Variants in ZNF385C observed in about 807,000 individuals in gnomAD.
ZNF385C encodes the protein CTD-2132N18.2.
Under a neutral mutation model 35.4 loss-of-function variants are expected in ZNF385C, and 28 were observed. The observed-to-expected ratio is 0.79, with a 90% CI of 0.59 to 1.08. ZNF385C has a LOEUF of 1.08. ZNF385C is among the 50% of genes least tolerant of loss of function. The pLI, the probability that ZNF385C is intolerant of heterozygous loss-of-function variation, is 0.00. For synonymous variants in ZNF385C, 248 were observed against 248.2 expected, an observed-to-expected ratio of 1.00 and a Z score of 0.01; for missense variants, 605 against 595.6, an observed-to-expected ratio of 1.02 and a Z score of -0.16.
chr17:42,094,184 T>C (rs1054143829), intron 1 of ZNF385C, among the ~76,000 whole-genome samples: 8 of 152,088 alleles, frequency 5.3e-5, no homozygotes, highest in African/African-American at 1.9e-4. Flanking sequence ...GGGTTCACCA[T>C]GTTGGCCAGG....
rs1332357766 is a variant in ZNF385C at position 42,040,404 on chromosome 17, G to A, written c.251-2519C>T. ...CCTGGAGGCGGGCCCCACCTGAGCCGCGCTGAGCTTGGAGGGAGGCCGCAG... is the reference window on the plus strand; with the variant it reads ...CCTGGAGGCGGGCCCCACCTGAGCCACGCTGAGCTTGGAGGGAGGCCGCAG... On this transcript the variant is annotated intron_variant, in intron 2 of 8. Transcript: ENST00000692273. 14 of 1,231,948 alleles carry A rather than the reference G, an allele frequency of 1.1e-5. No homozygotes were observed. The Admixed American group carries it at 3.4e-4, about 30-fold the overall frequency. The allele number at this position is 1,231,948 out of a possible 1,614,324, so 76.3% of individuals were successfully genotyped here.
In ZNF385C at chr17:42,050,724, C is replaced by G. The variant is rs1171636469; in HGVS notation, c.250+12083G>C. 1 of 150,540 alleles carries G rather than the reference C, an allele frequency of 6.6e-6. No homozygotes were observed. Among genetic ancestry groups the G allele is most frequent in the African/African-American group, 2.4e-5 (1 of 41,172 alleles). 9.3% of individuals were successfully genotyped at this position (150,540 alleles called of 1,614,324 possible). On this transcript the variant is annotated intron_variant, in intron 2 of 8. Coordinates refer to ENST00000692273, the MANE Select transcript of ZNF385C (RefSeq NM_001392013.1). This position sits in a 1 kb window ranked among gnomAD's most constrained non-coding sequence, Gnocchi z 5.6. ...GGCGGCGCCCCCGGGGCTCACCTGGCCGCGCCCACCTGCGGCGCCTCCCGC... is the reference window on the plus strand; with the variant it reads ...GGCGGCGCCCCCGGGGCTCACCTGGGCGCGCCCACCTGCGGCGCCTCCCGC...
intron 1 of ZNF385C, among the ~76,000 whole-genome samples, chr17:42,088,633 G>T (rs1237125261): frequency 2.6e-5 from 4 of 152,230 alleles, no homozygotes; most frequent in African/African-American, 9.6e-5. Flanking sequence ...AAACCTCCAA[G>T]GGAAACGCCC....
At chr17:42,086,687 G>C (rs2053811489) in intron 1 of ZNF385C, among the ~76,000 whole-genome samples, 1 of 122,630 alleles carries the variant, frequency 8.2e-6, no homozygotes, top group Non-Finnish European at 1.6e-5. Context: ...GGGCAACAGA[G>C]TGAGATTCCA....
intron 2 of ZNF385C, among the ~76,000 whole-genome samples, chr17:42,042,382 C>T (rs546603321): frequency 1.3e-5 from 2 of 152,218 alleles, no homozygotes; most frequent in South Asian, 2.1e-4. Context: ...ATTAGCTGAG[C>T]GTGGTGGCAC....
At chr17:42,085,443 CT>C (rs879990133) in intron 1 of ZNF385C, among the ~76,000 whole-genome samples, 352 of 137,548 alleles carry the variant, frequency 2.6e-3, no homozygotes, top group Middle Eastern at 3.8e-3. Context: ...TAATTTTTTT[CT>C]TTTTTTTTTT....
At chr17:42,057,223 C>G (rs2053389724) in intron 2 of ZNF385C, among the ~76,000 whole-genome samples, 1 of 152,120 alleles carries the variant, frequency 6.6e-6, no homozygotes, top group Non-Finnish European at 1.5e-5. Flanking sequence ...TCCCTGAGCC[C>G]CACTCTCCCA....
intron 1 of ZNF385C, among the ~76,000 whole-genome samples, chr17:42,074,131 C>T (rs2053660658): frequency 1.3e-5 from 2 of 152,192 alleles, no homozygotes; most frequent in Non-Finnish European, 2.9e-5. Flanking sequence ...CTCAGTTTAC[C>T]ACCCTCTTAG....
At chr17:42,084,815 CTA>C (rs2143937899) in intron 1 of ZNF385C, among the ~76,000 whole-genome samples, 1 of 152,072 alleles carries the variant, frequency 6.6e-6, no homozygotes, top group East Asian at 1.9e-4. Context: ...TGGGGTCTTG[CTA>C]TGTTTCCTAG....
intron 2 of ZNF385C, among the ~76,000 whole-genome samples, chr17:42,055,238 G>C (rs185760587): frequency 6.2e-4 from 95 of 152,294 alleles, no homozygotes; most frequent in Non-Finnish European, 8.2e-4. Flanking sequence ...AGGGGCTCTG[G>C]GGGGAGGAGT....
At chr17:42,090,812 G>A (rs1317057382) in intron 1 of ZNF385C, among the ~76,000 whole-genome samples, 33 of 151,900 alleles carry the variant, frequency 2.2e-4, no homozygotes, top group Non-Finnish European at 1.0e-4. Flanking sequence ...AACCCGGAAG[G>A]CGGAGCTTGC....
At chr17:42,069,292 G>C (rs1048925811) in intron 1 of ZNF385C, among the ~76,000 whole-genome samples, 3 of 151,966 alleles carry the variant, frequency 2.0e-5, no homozygotes, top group Non-Finnish European at 4.4e-5. Context: ...GGAGCACGCA[G>C]GCAGGGCTCT....
chr17:42,074,426 C>A (rs1222803081), intron 1 of ZNF385C, among the ~76,000 whole-genome samples: 1 of 150,112 alleles, frequency 6.7e-6, no homozygotes, highest in African/African-American at 2.5e-5. Flanking sequence ...GAGTCTCACT[C>A]TGTCGCCCAG....
rs1489386448 is a variant in ZNF385C, at chr17:42,026,664, CAG to C, written c.*231_*232del. 2 of 585,578 alleles carry C rather than the reference CAG, an allele frequency of 3.4e-6. No homozygotes were observed. The highest frequency in any genetic ancestry group is 2.0e-5 in the South Asian group (1 of 50,174). The allele number at this position is 585,578 out of a possible 1,614,324, so 36.3% of individuals were successfully genotyped here. A position where few individuals can be genotyped will look rare whatever the true frequency, so the allele number is the denominator to read the frequency against. On this transcript the variant is annotated 3_prime_UTR_variant, in exon 9 of 9. Transcript: ENST00000692273. ...TTTTGCATAGATCTTTGGGGTCTGTCAGGGTGGGAAATGCAGGCAAGCCTAGG... is the reference window on the plus strand; with the variant it reads ...TTTTGCATAGATCTTTGGGGTCTGTCGGTGGGAAATGCAGGCAAGCCTAGG...
chr17:42,072,853 C>A (rs1215630531), intron 1 of ZNF385C, among the ~76,000 whole-genome samples: 1 of 152,160 alleles, frequency 6.6e-6, no homozygotes, highest in Non-Finnish European at 1.5e-5. Context: ...GAGTATCCCG[C>A]CTACCCCGGC....
At chr17:42,072,908 C>T (rs1415537558) in intron 1 of ZNF385C, among the ~76,000 whole-genome samples, 1 of 152,086 alleles carries the variant, frequency 6.6e-6, no homozygotes, top group Non-Finnish European at 1.5e-5. Context: ...TGTCCCAGAG[C>T]TCAGGGAAGG....
chr17:42,028,896 G>T lies in ZNF385C; in HGVS notation c.854C>A (p.Ala285Asp). 6.4e-7 allele frequency: 1 copy of T among 1,550,578 alleles called. No homozygotes were observed. ...REAPGPEPAA[A>D]AVGSSMSGEG... Reference sequence around the variant, plus strand: ...CCCACTCATGCTGCTTCCCACGGCAGCTGCCGCTGGCTCAGGCCCCGGTGC... The same window carrying T: ...CCCACTCATGCTGCTTCCCACGGCATCTGCCGCTGGCTCAGGCCCCGGTGC... The change falls in exon 6 of 9, where the codon GCT becomes GAT. Residue 285 changes from alanine to aspartate, a missense_variant. Coordinates refer to ENST00000692273, the MANE Select transcript of ZNF385C (RefSeq NM_001392013.1).
chr17:42,043,724 A>G, intron 2 of ZNF385C, among the ~76,000 whole-genome samples: 1 of 152,036 alleles, frequency 6.6e-6, no homozygotes, highest in African/African-American at 2.4e-5. Flanking sequence ...AGTCATGCAA[A>G]GGGCCCTAGA....
chr17:42,058,908 C>T (rs887968228), intron 2 of ZNF385C, among the ~76,000 whole-genome samples: 36 of 152,348 alleles, frequency 2.4e-4, no homozygotes, highest in Admixed American at 3.9e-4. Context: ...CCACCCGCCT[C>T]GGCCTCCCAA....
Sources: gnomAD v4.1 joint callset for allele counts (sites outside exome capture counted in the v4.1 genomes callset) on GRCh38, gnomAD v4.1.1 for gene constraint, Gnocchi (gnomAD v3.1) non-coding constraint, MANE v1.5 for transcripts, NCBI Gene and HGNC (gene_info 2026-07-23, HGNC 2026-07-21) for gene names.